Variants in NMNAT3 observed in about 807,000 individuals in gnomAD.
NMNAT3 encodes the protein nicotinamide nucleotide adenylyltransferase 3.
In NMNAT3, 21 loss-of-function variants were observed where a neutral mutation model predicts 24.8. The observed-to-expected ratio is 0.85, with a 90% CI of 0.60 to 1.22. NMNAT3 has a LOEUF of 1.22. Ranked by LOEUF, NMNAT3 falls within the 50% of genes most tolerant of loss-of-function variation. The pLI is 0.00. For missense variants in NMNAT3, 387 were observed against 436.6 expected (o/e 0.89, Z 1.01); for synonymous variants, 136 against 155.2 (o/e 0.88, Z 0.92).
intron 3 of NMNAT3, among the ~76,000 whole-genome samples, chr3:139,595,522 A>G (rs952997840): frequency 6.6e-6 from 1 of 152,254 alleles, no homozygotes; most frequent in African/African-American, 2.4e-5. Flanking sequence ...AAGCCAAAAG[A>G]AGAAATCTGG....
At chr3:139,586,734 TA>T (rs1226367073) in intron 3 of NMNAT3, among the ~76,000 whole-genome samples, 5 of 152,154 alleles carry the variant, frequency 3.3e-5, no homozygotes, top group Non-Finnish European at 5.9e-5. Flanking sequence ...ACTCTTAAAA[TA>T]ATCAAGAACC....
At chr3:139,607,182 A>G (rs1329540632) in intron 3 of NMNAT3, among the ~76,000 whole-genome samples, 1 of 151,864 alleles carries the variant, frequency 6.6e-6, no homozygotes, top group African/African-American at 2.4e-5. Context: ...AACTATCTAT[A>G]TCTATCCTCA....
At chr3:139,615,435 C>CTATCTATCTATCTATG (rs1300343249) in intron 3 of NMNAT3, among the ~76,000 whole-genome samples, 6 of 149,474 alleles carry the variant, frequency 4.0e-5, no homozygotes, top group Admixed American at 6.7e-5. Context: ...ATCTATCTAT[C>CTATCTATCTATCTATG]TATCTATCTA....
chr3:139,566,912 A>G (rs1265350154), intron 6 of NMNAT3: 1 of 152,208 alleles, frequency 6.6e-6, no homozygotes, highest in African/African-American at 2.4e-5. Flanking sequence ...AGTCATTGGT[A>G]GGTTGATGGA....
chr3:139,579,926 A>G (rs1010637850), intron 4 of NMNAT3, among the ~76,000 whole-genome samples: 6 of 152,144 alleles, frequency 3.9e-5, no homozygotes, highest in Non-Finnish European at 7.3e-5. Flanking sequence ...TGCATTGATT[A>G]ATTTTCTAAT....
At chr3:139,656,500 A>G (rs1034800704) in intron 1 of NMNAT3, among the ~76,000 whole-genome samples, 2 of 152,214 alleles carry the variant, frequency 1.3e-5, no homozygotes, top group South Asian at 4.1e-4. Flanking sequence ...GCAGTCAAAT[A>G]TGGAAAAACA....
chr3:139,597,793 C>A (rs1434444050), intron 3 of NMNAT3, among the ~76,000 whole-genome samples: 4 of 152,144 alleles, frequency 2.6e-5, no homozygotes, highest in Non-Finnish European at 5.9e-5. Flanking sequence ...AAACTTAAAG[C>A]TTGCTTGCTT....
At chr3:139,660,242 G>A (rs1338857083) in intron 1 of NMNAT3, among the ~76,000 whole-genome samples, 1 of 152,142 alleles carries the variant, frequency 6.6e-6, no homozygotes, top group African/African-American at 2.4e-5. Context: ...ATGGTCCACC[G>A]GGAATTAACC....
chr3:139,664,149 A>G (rs2057504792), intron 1 of NMNAT3, among the ~76,000 whole-genome samples: 3 of 152,230 alleles, frequency 2.0e-5, no homozygotes, highest in Admixed American at 6.5e-5. Flanking sequence ...AAAGCACTTT[A>G]TATTACAGAA....
intron 2 of NMNAT3, chr3:139,635,442 A>T (rs2056465425): frequency 6.6e-6 from 1 of 152,228 alleles, no homozygotes; most frequent in Non-Finnish European, 1.5e-5. Flanking sequence ...ACATGAACAG[A>T]CAGTCTAATA....
chr3:139,581,057 C>T (rs1283667467), intron 4 of NMNAT3, among the ~76,000 whole-genome samples: 2 of 152,090 alleles, frequency 1.3e-5, no homozygotes, highest in African/African-American at 2.4e-5. Context: ...TTTATCCTTA[C>T]CTGTAAGTAT....
At chr3:139,611,013 G>T (rs2055185264) in intron 3 of NMNAT3, among the ~76,000 whole-genome samples, 1 of 130,214 alleles carries the variant, frequency 7.7e-6, no homozygotes, top group Non-Finnish European at 1.6e-5. Context: ...CTCTCCTCAA[G>T]GTTGTCCAAA....
At chr3:139,577,718 G>A (rs923292508) in intron 5 of NMNAT3, 1 of 151,938 alleles carries the variant, frequency 6.6e-6, no homozygotes, top group African/African-American at 2.4e-5. Flanking sequence ...ATACTAATGG[G>A]TCATTAAAAA....
intron 6 of NMNAT3, 42 bp from the exon 7 acceptor site, chr3:139,561,434 CA>C (rs750707822): frequency 1.3e-6 from 2 of 1,575,876 alleles, no homozygotes; most frequent in East Asian, 4.5e-5. Context: ...AGAGAGAGGT[CA>C]CTGCCAGGAA....
intron 6 of NMNAT3, chr3:139,567,844 T>A (rs1288595132): frequency 5.9e-5 from 9 of 152,228 alleles, no homozygotes; most frequent in Admixed American, 5.9e-4. Flanking sequence ...ATCAGGATGA[T>A]GCTGGCCTCA....
chr3:139,601,841 C>G (rs1051402247), intron 3 of NMNAT3, among the ~76,000 whole-genome samples: 1 of 152,164 alleles, frequency 6.6e-6, no homozygotes, highest in Non-Finnish European at 1.5e-5. Flanking sequence ...GAGGATGGGA[C>G]ATTGAAACTG....
At chr3:139,636,077 C>T (rs564099947) in intron 2 of NMNAT3, 9 of 152,290 alleles carry the variant, frequency 5.9e-5, no homozygotes, top group Non-Finnish European at 7.3e-5. Context: ...ATGCCAACCC[C>T]GGGCTGCCTA....
At chr3:139,617,672 G>A (rs543123350) in intron 3 of NMNAT3, among the ~76,000 whole-genome samples, 9 of 152,334 alleles carry the variant, frequency 5.9e-5, no homozygotes, top group Admixed American at 3.9e-4. Flanking sequence ...ATAAACACAC[G>A]TGGATTATTG....
chr3:139,662,645 T>C (rs1227167067), intron 1 of NMNAT3, among the ~76,000 whole-genome samples: 1 of 152,066 alleles, frequency 6.6e-6, no homozygotes, highest in Non-Finnish European at 1.5e-5. Context: ...GAGATGGAAG[T>C]ACTGAAGAAT....
Sources: allele counts gnomAD v4.1 joint callset (sites outside exome capture counted in the v4.1 genomes callset), GRCh38; gene constraint gnomAD v4.1.1; transcripts MANE v1.5; gene names NCBI Gene and HGNC (gene_info 2026-07-23, HGNC 2026-07-21).